Variants in HMCN1 observed in about 807,000 individuals in gnomAD.
HMCN1 encodes hemicentin-1.
A neutral mutation model predicts 625.9 loss-of-function variants in HMCN1; 321 were observed. That is an observed-to-expected ratio of 0.51 (90% CI 0.47 to 0.56). HMCN1 has a LOEUF of 0.56. Ranked by LOEUF, HMCN1 falls within the 20% of genes least tolerant of loss-of-function variation. The pLI is 0.00. For synonymous variants in HMCN1, 2,425 were observed against 2,417.6 expected (o/e 1.00, Z -0.09); for missense variants, 6,588 against 6,887.3 (o/e 0.96, Z 1.54).
chr1:185,909,574 A>G, intron 5 of HMCN1, 66 bp downstream of exon 5: 2 of 1,401,386 alleles, frequency 1.4e-6, no homozygotes, highest in East Asian at 2.3e-5. Context: ...CTTTTCACAC[A>G]CTTGTTTTTG....
intron 36 of HMCN1, among the ~76,000 whole-genome samples, chr1:186,026,701 A>G (rs1184671716): frequency 6.6e-6 from 1 of 151,984 alleles, no homozygotes; most frequent in East Asian, 1.9e-4. Context: ...TGGTACGGTC[A>G]TGACTCATTA....
chr1:186,122,364 T>TA (rs1292097321), intron 80 of HMCN1, among the ~76,000 whole-genome samples: 1 of 152,232 alleles, frequency 6.6e-6, no homozygotes, highest in African/African-American at 2.4e-5. Context: ...GTGATCAGCC[T>TA]ATTGTAAACA....
rs200783557 is a variant in HMCN1 at position 185,989,458 on chromosome 1, A to C, written c.3049-30A>C. On this transcript the variant is annotated intron_variant, in intron 20 of 106. Coordinates refer to ENST00000271588, the MANE Select transcript of HMCN1 (RefSeq NM_031935.3). ...ATCTTGAAACAAACAAACAAACAAA[A>C]AACCCTTTGCTTTTCGCCGTGTTTT... 2.8e-5 allele frequency: 44 copies of C among 1,588,466 alleles called. No individual in the cohort carries two copies. The African/African-American group carries it at 7.1e-4, about 26-fold the overall frequency.
chr1:185,895,322 T>C (rs1291068411), intron 4 of HMCN1, among the ~76,000 whole-genome samples: 1 of 152,206 alleles, frequency 6.6e-6, no homozygotes, highest in Non-Finnish European at 1.5e-5. Flanking sequence ...TTTTGAGTAT[T>C]AGATAATTAT....
In HMCN1 at chr1:186,074,846, A is replaced by G; in HGVS notation, c.8245A>G (p.Asn2749Asp). 6.2e-7 allele frequency: 1 copy of G among 1,613,084 alleles called. No individual in the cohort carries two copies. The highest frequency in any genetic ancestry group is 8.5e-7 in the Non-Finnish European group (1 of 1,179,314). ...CGGACGATATACTTGTGTAGCATCT[A>G]ACATTGCAGGTGAAGATGAGTTGGA... ...DTGRYTCVAS[N>D]IAGEDELDFD... The change falls in exon 53 of 107, where the codon AAC (asparagine) becomes GAC (aspartate). Residue 2749 changes from asparagine (N) to aspartate (D), a missense_variant. Transcript: ENST00000271588.
intron 1 of HMCN1, among the ~76,000 whole-genome samples, chr1:185,778,358 T>A (rs79533741): frequency 6.6e-6 from 1 of 151,748 alleles, no homozygotes; most frequent in Admixed American, 6.6e-5. Flanking sequence ...TTTTTTTTTT[T>A]AATTATACTT....
intron 45 of HMCN1, among the ~76,000 whole-genome samples, chr1:186,056,019 C>G (rs1440927364): frequency 1.3e-5 from 2 of 151,948 alleles, no homozygotes; most frequent in Non-Finnish European, 2.9e-5. Flanking sequence ...TAAACGTAAG[C>G]TCCTTAGAAT....
chr1:185,955,145 A>T (rs1408393866), intron 11 of HMCN1, among the ~76,000 whole-genome samples: 1 of 151,988 alleles, frequency 6.6e-6, no homozygotes, highest in Non-Finnish European at 1.5e-5. Flanking sequence ...CTTTTTATGG[A>T]CTTACTTTCT....
intron 30 of HMCN1, among the ~76,000 whole-genome samples, chr1:186,012,745 T>C (rs1654085978): frequency 6.6e-6 from 1 of 152,182 alleles, no homozygotes; most frequent in Non-Finnish European, 1.5e-5. Flanking sequence ...ATTTTGGCTT[T>C]TTATTTTTGT....
At chr1:185,842,846 G>A (rs1265025713) in intron 1 of HMCN1, among the ~76,000 whole-genome samples, 2 of 152,082 alleles carry the variant, frequency 1.3e-5, no homozygotes, top group African/African-American at 2.4e-5. Context: ...CCATAGTTCA[G>A]AGGAAAGGAG....
intron 1 of HMCN1, among the ~76,000 whole-genome samples, chr1:185,735,938 A>G (rs1653533400): frequency 6.6e-6 from 1 of 152,212 alleles, no homozygotes; most frequent in Admixed American, 6.5e-5. Flanking sequence ...AGTTGAAGAA[A>G]TGAAGCAGTG....
Position 185,990,259 on chromosome 1 carries a change from C to T in HMCN1, c.3209-16C>T, listed in dbSNP as rs753880376. 8 of 1,611,164 alleles carry T rather than the reference C, an allele frequency of 5.0e-6. No individual in the cohort carries two copies. Among genetic ancestry groups the T allele is most frequent in the African/African-American group, 2.7e-5 (2 of 74,846 alleles). On this transcript the variant is annotated splice_polypyrimidine_tract_variant and intron_variant, in intron 21 of 106. Transcript: ENST00000271588. The stretch of plus-strand genomic sequence containing the variant: ...TCAATATACTGTTTCCCTTCCAAAA[C>T]ATGTGTTTATTTTAGTAAGGCCCAG...
At chr1:185,805,822 T>C (rs915418099) in intron 1 of HMCN1, among the ~76,000 whole-genome samples, 2 of 152,176 alleles carry the variant, frequency 1.3e-5, no homozygotes, top group Non-Finnish European at 1.5e-5. Flanking sequence ...CCTGCTCCTA[T>C]ATTGGTAGAG....
chr1:185,841,476 G>T (rs1408448216), intron 1 of HMCN1, among the ~76,000 whole-genome samples: 2 of 152,154 alleles, frequency 1.3e-5, no homozygotes, highest in Non-Finnish European at 2.9e-5. Context: ...GTGGTCTTTA[G>T]CTATAGCATT....
chr1:185,869,671 T>C lies in HMCN1; in HGVS notation c.621+3808T>C, dbSNP rs541537603. On this transcript the variant is annotated intron_variant, in intron 4 of 106. Transcript: ENST00000271588. Reference sequence around the variant, plus strand: ...CTACCACCACAGAAGATTTTATTAATAGGAAGCATTGTGACAGTGTTAAAA... The same window carrying C: ...CTACCACCACAGAAGATTTTATTAACAGGAAGCATTGTGACAGTGTTAAAA... Among the ~76,000 whole-genome samples the C allele has an allele frequency of 2.0e-5, 3 of 152,302 alleles. No individual in the cohort carries two copies. The East Asian group carries it at 5.8e-4, about 29-fold the overall frequency.
At chr1:185,764,499 G>A (rs1316552822) in intron 1 of HMCN1, among the ~76,000 whole-genome samples, 2 of 152,062 alleles carry the variant, frequency 1.3e-5, no homozygotes, top group African/African-American at 4.8e-5. Context: ...CAAGATTGTA[G>A]CATGGATTTT....
intron 21 of HMCN1, among the ~76,000 whole-genome samples, chr1:185,989,865 A>G (rs938837132): frequency 6.6e-6 from 1 of 150,494 alleles, no homozygotes. Context: ...ATGCAATTGT[A>G]TAGTCTTTCG....
intron 36 of HMCN1, among the ~76,000 whole-genome samples, chr1:186,025,909 A>G (rs1024363808): frequency 6.6e-6 from 1 of 152,246 alleles, no homozygotes; most frequent in African/African-American, 2.4e-5. Context: ...AGGTTAAAAC[A>G]TTTCAACTAA....
At chr1:186,069,897 C>A in intron 51 of HMCN1, 121 bp downstream of exon 51, 1 of 722,414 alleles carries the variant, frequency 1.4e-6, no homozygotes. Flanking sequence ...GTTTGTGCAG[C>A]TTACTTTATT....
Sources: allele counts gnomAD v4.1 joint callset (sites outside exome capture counted in the v4.1 genomes callset), GRCh38; gene constraint gnomAD v4.1.1; transcripts MANE v1.5; gene names NCBI Gene and HGNC (gene_info 2026-07-23, HGNC 2026-07-21).